The following SAMD8 variants were observed in gnomAD, a reference collection of about 807,000 sequenced individuals.
The protein encoded by SAMD8 is sphingomyelin synthase-related protein 1.
SAMD8 carries 20 observed loss-of-function variants against 42.0 expected under a neutral mutation model. The ratio of observed to expected loss-of-function variants is 0.48; its 90% confidence interval spans 0.34 to 0.69. The LOEUF (loss-of-function observed/expected upper bound fraction) is 0.69. Among genes scored for constraint, SAMD8 ranks in the 30% least tolerant of loss-of-function variants. SAMD8 has a pLI of 0.01. For missense variants in SAMD8, 328 were observed against 511.6 expected (o/e 0.64, Z 3.46); for synonymous variants, 162 against 173.0 (o/e 0.94, Z 0.50).
intron 1 of SAMD8, among the ~76,000 whole-genome samples, chr10:75,146,974 T>G (rs1840151932): frequency 2.0e-5 from 3 of 152,198 alleles, no homozygotes; most frequent in African/African-American, 7.2e-5. Flanking sequence ...ACTGACCTGA[T>G]AAAGCAGAAC....
At chr10:75,144,619 T>C (rs1840093438) in intron 1 of SAMD8, among the ~76,000 whole-genome samples, 1 of 152,018 alleles carries the variant, frequency 6.6e-6, no homozygotes, top group South Asian at 2.1e-4. Context: ...TTTTTAAAGT[T>C]CTCTTTTTTT....
chr10:75,176,645 T>C lies in SAMD8; in HGVS notation c.1201T>C (p.Cys401Arg), dbSNP rs1388530385. The stretch of plus-strand genomic sequence containing the variant: ...TAATGGCACAGTACCTAATGAATAT[T>C]GTTGGCCATTTTCAAAACCAGCAAT... ...NVNGTVPNEY[C>R]WPFSKPAIMK... is the part of the protein sequence containing the mutation. The change falls in exon 6 of 6, where the codon TGT becomes CGT. Residue 401 changes from cysteine to arginine, a missense_variant. By Grantham distance (180) the Cys-to-Arg change is radical. This residue lies in a region of SAMD8 where 178 missense variants were observed against 325.6 expected (regional missense o/e 0.55). Coordinates refer to ENST00000542569, the MANE Select transcript of SAMD8 (RefSeq NM_001174156.2). The surrounding 1 kb of genome is among the most constrained non-coding windows in gnomAD (Gnocchi z 4.3). 8 of 1,542,882 alleles carry C rather than the reference T, an allele frequency of 5.2e-6. No individual in the cohort carries two copies. Among genetic ancestry groups the C allele is most frequent in the Non-Finnish European group, 7.0e-6 (8 of 1,144,890 alleles).
intron 1 of SAMD8, among the ~76,000 whole-genome samples, chr10:75,130,913 A>G (rs547946627): frequency 6.6e-6 from 1 of 152,354 alleles, no homozygotes; most frequent in South Asian, 2.1e-4. Context: ...TAAAGTGCTC[A>G]GAATAGTGCC....
At chr10:75,144,440 T>C (rs1189401118) in intron 1 of SAMD8, among the ~76,000 whole-genome samples, 1 of 149,540 alleles carries the variant, frequency 6.7e-6, no homozygotes, top group Non-Finnish European at 1.5e-5. Context: ...CCATTCTACT[T>C]TCTGTTTCTG....
intron 2 of SAMD8, among the ~76,000 whole-genome samples, chr10:75,154,630 A>T (rs1262726852): frequency 6.6e-6 from 1 of 151,994 alleles, no homozygotes; most frequent in Non-Finnish European, 1.5e-5. Flanking sequence ...TGAGGGATCT[A>T]ACTTCTATTT....
chr10:75,168,562 C>T lies in SAMD8; in HGVS notation c.696C>T (p.Leu232=). ...HKHRSILLRR[L]CSLMGTVFLL... The stretch of plus-strand genomic sequence containing the variant: ...ACAGGTCAATACTTCTGCGAAGGCT[C>T]TGTAGTCTGATGGGAACTGTATTCT... Residue 232 remains leucine, a synonymous_variant, in exon 4 of 6, where the codon CTC becomes CTT. Coordinates refer to ENST00000542569, the MANE Select transcript of SAMD8 (RefSeq NM_001174156.2). 1 of 1,613,852 alleles carries T rather than the reference C, an allele frequency of 6.2e-7. No homozygotes were observed. Among genetic ancestry groups the T allele is most frequent in the Non-Finnish European group, 8.5e-7 (1 of 1,179,828 alleles).
chr10:75,123,423 G>A lies in SAMD8; in HGVS notation c.-16+11701G>A, dbSNP rs7915850. Among the ~76,000 whole-genome samples the A allele has an allele frequency of 3.4e-3, 514 of 152,258 alleles. 1 individual carries two copies. Among genetic ancestry groups the A allele is most frequent in the African/African-American group, 0.012 (490 of 41,558 alleles). On this transcript the variant is annotated intron_variant, in intron 1 of 5. Coordinates refer to ENST00000542569, the MANE Select transcript of SAMD8 (RefSeq NM_001174156.2). The stretch of plus-strand genomic sequence containing the variant: ...TCCTCTGACAGCATGTTAAGAGAGG[G>A]GGAGAGACTTGTTACTGCTAGACAA...
chr10:75,168,180 A>G (rs550834834), intron 3 of SAMD8, among the ~76,000 whole-genome samples: 3 of 152,278 alleles, frequency 2.0e-5, no homozygotes, highest in South Asian at 2.1e-4. Context: ...ATATTTTCTT[A>G]TCAGTGAAAT....
upstream of SAMD8, among the ~76,000 whole-genome samples, chr10:75,107,644 T>G (rs1025341365): frequency 7.9e-5 from 12 of 152,078 alleles, no homozygotes; most frequent in Non-Finnish European, 1.5e-5. Flanking sequence ...TGGCATGATC[T>G]CGGCTCACTG....
chr10:75,155,170 G>A (rs937739150), intron 2 of SAMD8, among the ~76,000 whole-genome samples: 1 of 152,154 alleles, frequency 6.6e-6, no homozygotes. Context: ...GGGATTGTAG[G>A]TGTGAGCTAC....
Position 75,177,749 on chromosome 10 carries a change from A to T in SAMD8, c.*1057A>T, listed in dbSNP as rs1272105318. On this transcript the variant is annotated 3_prime_UTR_variant, in exon 6 of 6. Coordinates refer to ENST00000542569, the MANE Select transcript of SAMD8 (RefSeq NM_001174156.2). Reference sequence around the variant, plus strand: ...ATATGAAAAAGTTTCGTTGTTTTTTACTTTTAAATATAATGGTGTATATAC... The same window carrying T: ...ATATGAAAAAGTTTCGTTGTTTTTTTCTTTTAAATATAATGGTGTATATAC... 1 of 152,194 alleles carries T rather than the reference A, an allele frequency of 6.6e-6. No individual in the cohort carries two copies. Among genetic ancestry groups the T allele is most frequent in the South Asian group, 2.1e-4 (1 of 4,834 alleles). 9.4% of individuals were successfully genotyped at this position (152,194 alleles called of 1,614,324 possible).
At position 75,150,950 on chromosome 10, in the gene SAMD8, C is replaced by A. The variant is rs1376449140; in HGVS notation, c.422C>A (p.Ser141Tyr). The A allele has an allele frequency of 6.2e-7, 1 of 1,613,114 alleles. No individual in the cohort carries two copies. ...YQYMNGKNKH[S>Y]VRRLDPEYWK... ...TACATGAATGGTAAAAACAAACATT[C>A]TGTTCGAAGATTGGACCCAGAATAC... is the stretch of plus-strand genomic sequence containing the variant. The change falls in exon 2 of 6, where the codon TCT (serine) becomes TAT (tyrosine). Residue 141 changes from serine to tyrosine, a missense_variant. Ser to Tyr is a moderately radical substitution (Grantham distance 144, BLOSUM62 -2). Coordinates refer to ENST00000542569, the MANE Select transcript of SAMD8 (RefSeq NM_001174156.2).
In SAMD8 at chr10:75,164,740, G is replaced by A; in HGVS notation, c.674G>A (p.Arg225Lys). 1.0e-5 allele frequency: 16 copies of A among 1,602,976 alleles called. No homozygotes were observed. The highest frequency in any genetic ancestry group is 1.3e-5 in the Non-Finnish European group (15 of 1,169,960). Reference sequence around the variant, plus strand: ...CTGGTTCTTCTTCTTCACAAGCACAGGTACCTCATTACTCCATTAAATGAC... The same window carrying A: ...CTGGTTCTTCTTCTTCACAAGCACAAGTACCTCATTACTCCATTAAATGAC... Reference protein sequence around the residue: ...WLLVLLLHKHRSILLRRLCSL... With the variant: ...WLLVLLLHKHKSILLRRLCSL... The change falls in exon 3 of 6, where the codon AGG (arginine) becomes AAG (lysine). Residue 225 changes from arginine (R) to lysine (K), a missense_variant and splice_region_variant. By Grantham distance (26) the Arg-to-Lys change is conservative (BLOSUM62 2). Around this residue, in one of 2 missense-constraint regions of SAMD8, gnomAD observed 178 missense variants for 325.6 expected, o/e 0.55. Transcript: ENST00000542569.
At chr10:75,124,543 G>A (rs763195229) in intron 1 of SAMD8, among the ~76,000 whole-genome samples, 15 of 151,636 alleles carry the variant, frequency 9.9e-5, no homozygotes, top group Non-Finnish European at 1.8e-4. Flanking sequence ...AACCCGGGAG[G>A]CGGAGATTGC....
At chr10:75,126,499 CTTTT>C (rs779589994) in intron 1 of SAMD8, among the ~76,000 whole-genome samples, 3 of 115,538 alleles carry the variant, frequency 2.6e-5, no homozygotes, top group South Asian at 2.7e-4. Flanking sequence ...AGTGCTTTTG[CTTTT>C]TTTTTTTTTT....
intron 1 of SAMD8, among the ~76,000 whole-genome samples, chr10:75,115,134 TTTACAAATAAAGAG>T (rs1489331401): frequency 6.6e-6 from 1 of 152,234 alleles, no homozygotes; most frequent in Admixed American, 6.5e-5. Flanking sequence ...TTTATATTTG[TTTACAAATAAAGAG>T]TTACTTATTT....
chr10:75,117,454 C>T (rs1306244979), intron 1 of SAMD8, among the ~76,000 whole-genome samples: 1 of 151,448 alleles, frequency 6.6e-6, no homozygotes, highest in Non-Finnish European at 1.5e-5. Context: ...ATGGCTCACA[C>T]CTGTAATCCT....
intron 1 of SAMD8, chr10:75,101,793 G>C: frequency 6.1e-6 from 4 of 654,758 alleles, no homozygotes; most frequent in Non-Finnish European, 1.0e-5. Flanking sequence ...ACAGGCACAA[G>C]TGTCCTGGCC....
chr10:75,114,901 C>T (rs1013672210), intron 1 of SAMD8, among the ~76,000 whole-genome samples: 4 of 151,984 alleles, frequency 2.6e-5, no homozygotes, highest in African/African-American at 7.3e-5. Flanking sequence ...CTGATTTATA[C>T]GAGATATGAA....
Sources: gnomAD v4.1 joint callset for allele counts (sites outside exome capture counted in the v4.1 genomes callset) on GRCh38, gnomAD v4.1.1 for gene constraint, gnomAD v4.1.1 regional missense constraint, Gnocchi (gnomAD v3.1) non-coding constraint, MANE v1.5 for transcripts, NCBI Gene and HGNC (gene_info 2026-07-23, HGNC 2026-07-21) for gene names.